The following CNTNAP5 variants were observed in gnomAD, a reference collection of about 807,000 sequenced individuals.
CNTNAP5 encodes contactin-associated protein-like 5.
In CNTNAP5, 72 loss-of-function variants were observed where a neutral mutation model predicts 150.2. The observed-to-expected ratio is 0.48, with a 90% CI of 0.40 to 0.58. The LOEUF is 0.58. Among genes scored for constraint, CNTNAP5 ranks in the 20% least tolerant of loss-of-function variants. The pLI is 0.00. For synonymous variants in CNTNAP5, 672 were observed against 619.8 expected (o/e 1.08, Z -1.25); for missense variants, 1,636 against 1,626.2 (o/e 1.01, Z -0.10).
chr2:124,573,632 G>A (rs560297665), intron 11 of CNTNAP5, among the ~76,000 whole-genome samples: 1 of 152,298 alleles, frequency 6.6e-6, no homozygotes, highest in South Asian at 2.1e-4. Context: ...TATTTTTAAT[G>A]TATTTCAATC....
chr2:124,699,278 A>G (rs1229363838), intron 13 of CNTNAP5, among the ~76,000 whole-genome samples: 2 of 152,108 alleles, frequency 1.3e-5, no homozygotes, highest in African/African-American at 2.4e-5. Context: ...CATCATCCTG[A>G]CACAGATACA....
chr2:124,786,154 C>T (rs1339026822), intron 17 of CNTNAP5, among the ~76,000 whole-genome samples: 2 of 151,302 alleles, frequency 1.3e-5, no homozygotes, highest in Non-Finnish European at 2.9e-5. Context: ...CCCAGCTACT[C>T]GGTAGGCTGA....
rs190499681 is a variant in CNTNAP5 at position 124,080,416 on chromosome 2, C to T, written c.82+54684C>T. 2.0e-3 allele frequency among the ~76,000 whole-genome samples: 311 copies of T among 152,226 alleles called. 2 individuals are homozygous for T. Among genetic ancestry groups the T allele is most frequent in the African/African-American group, 7.3e-3 (303 of 41,524 alleles). The stretch of plus-strand genomic sequence containing the variant: ...ACTCTTAAATTGCCATAAACTAAGA[C>T]AGGATTATTATACCTTCCGGCTCAG... On this transcript the variant is annotated intron_variant, in intron 1 of 23. Transcript: ENST00000682447.
At chr2:124,561,771 G>T (rs1289707352) in intron 10 of CNTNAP5, among the ~76,000 whole-genome samples, 1 of 152,126 alleles carries the variant, frequency 6.6e-6, no homozygotes, top group Non-Finnish European at 1.5e-5. Flanking sequence ...AACAATCATT[G>T]CTGGAGGCTT....
At chr2:124,409,715 C>A (rs1221492032) in intron 3 of CNTNAP5, among the ~76,000 whole-genome samples, 1 of 147,858 alleles carries the variant, frequency 6.8e-6, no homozygotes, top group Non-Finnish European at 1.5e-5. Flanking sequence ...CCTAAAAGAG[C>A]TCCTGAAGGA....
At chr2:124,364,885 G>T (rs1424812538) in intron 3 of CNTNAP5, among the ~76,000 whole-genome samples, 1 of 142,892 alleles carries the variant, frequency 7.0e-6, no homozygotes, top group African/African-American at 2.6e-5. Context: ...TCTTCCTAGG[G>T]CATTCCTCAT....
chr2:124,528,403 G>A (rs146425372), intron 10 of CNTNAP5, among the ~76,000 whole-genome samples: 37 of 152,290 alleles, frequency 2.4e-4, no homozygotes, highest in African/African-American at 8.9e-4. Context: ...TCTTAAAGCA[G>A]AAGACACTGG....
intron 13 of CNTNAP5, among the ~76,000 whole-genome samples, chr2:124,745,213 A>T (rs923666436): frequency 2.6e-5 from 4 of 152,204 alleles, no homozygotes; most frequent in African/African-American, 9.7e-5. Flanking sequence ...TTCAGAGCTT[A>T]TACCATTAGT....
chr2:124,247,235 A>G (rs1482279162), intron 3 of CNTNAP5, among the ~76,000 whole-genome samples: 1 of 152,112 alleles, frequency 6.6e-6, no homozygotes, highest in Non-Finnish European at 1.5e-5. Context: ...AATTTCAGAA[A>G]ACAATTTGAG....
chr2:124,786,507 A>AAAAGAAAGAAAG lies in CNTNAP5; in HGVS notation c.2753-3389_2753-3378dup, dbSNP rs150483975. ...AGGAGGGAAGGAAGGGAGGGAAAGA[A>AAAAGAAAGAAAG]AAAGAAAGAAAGAAAGAGAAAGAAA... On this transcript the variant is annotated intron_variant, in intron 17 of 23. Coordinates refer to ENST00000682447, the MANE Select transcript of CNTNAP5 (RefSeq NM_001367498.1). Among the ~76,000 whole-genome samples the AAAAGAAAGAAAG allele has an allele frequency of 1.7e-3, 224 of 132,134 alleles. 5 individuals are homozygous for AAAAGAAAGAAAG. The highest frequency in any genetic ancestry group is 7.0e-3 in the African/African-American group (217 of 31,070). The allele number at this position is 132,134 out of a possible 152,430, so 86.7% of individuals were successfully genotyped here.
chr2:124,561,323 G>A (rs1695887007), intron 10 of CNTNAP5, among the ~76,000 whole-genome samples: 1 of 152,134 alleles, frequency 6.6e-6, no homozygotes, highest in South Asian at 2.1e-4. Context: ...ATCTCCTGAG[G>A]ACATGCCTGG....
intron 17 of CNTNAP5, among the ~76,000 whole-genome samples, chr2:124,779,190 G>A (rs1285787562): frequency 6.6e-6 from 1 of 152,194 alleles, no homozygotes; most frequent in Non-Finnish European, 1.5e-5. Context: ...CTTGACCAAG[G>A]TCATGTCCTT....
rs772608952 is a variant in CNTNAP5, at chr2:124,527,305, G to A, written c.1498G>A (p.Asp500Asn). The A allele has an allele frequency of 8.1e-6, 13 of 1,613,282 alleles. No individual in the cohort carries two copies. Among genetic ancestry groups the A allele is most frequent in the Admixed American group, 6.7e-5 (4 of 59,960 alleles). The change falls in exon 10 of 24, where the codon GAT becomes AAT. Residue 500 changes from aspartate (D) to asparagine (N), a missense_variant. Asp to Asn is a conservative substitution (Grantham distance 23). Transcript: ENST00000682447. ...CACAGGGTGCCCCGACAATCTCACCGATTCCCAATGTTTAAATCCCATTAA... is the reference window on the plus strand; with the variant it reads ...CACAGGGTGCCCCGACAATCTCACCAATTCCCAATGTTTAAATCCCATTAA... ...YFGGCPDNLT[D>N]SQCLNPIKAF...
chr2:124,751,968 C>T (rs552027580), intron 14 of CNTNAP5, among the ~76,000 whole-genome samples: 19 of 152,162 alleles, frequency 1.2e-4, no homozygotes, highest in African/African-American at 2.4e-4. Context: ...ATAAATGGTT[C>T]GGTTAAGGTC....
intron 14 of CNTNAP5, among the ~76,000 whole-genome samples, chr2:124,758,113 A>G (rs1680878848): frequency 6.6e-6 from 1 of 152,180 alleles, no homozygotes; most frequent in Non-Finnish European, 1.5e-5. Context: ...CAGAACCATG[A>G]GATCTCAAAA....
intron 1 of CNTNAP5, among the ~76,000 whole-genome samples, chr2:124,030,151 T>C (rs1381272202): frequency 6.6e-6 from 1 of 152,174 alleles, no homozygotes; most frequent in East Asian, 1.9e-4. Flanking sequence ...CTATTTACTT[T>C]TAATGTAATT....
intron 1 of CNTNAP5, among the ~76,000 whole-genome samples, chr2:124,072,013 G>A (rs1200797560): frequency 6.6e-6 from 1 of 151,808 alleles, no homozygotes; most frequent in South Asian, 2.1e-4. Context: ...TTCCACAACA[G>A]ATTAAAAAGA....
intron 1 of CNTNAP5, among the ~76,000 whole-genome samples, chr2:124,070,090 G>A (rs932808864): frequency 4.0e-5 from 6 of 151,890 alleles, no homozygotes; most frequent in Non-Finnish European, 7.4e-5. Flanking sequence ...TTTTGTTTAC[G>A]CAATTAGTGT....
At chr2:124,912,836 A>G (rs184123564) in intron 23 of CNTNAP5, among the ~76,000 whole-genome samples, 94 of 152,144 alleles carry the variant, frequency 6.2e-4, no homozygotes, top group African/African-American at 2.1e-3. Flanking sequence ...TATCCCATGC[A>G]TTGAAGGAGT....
Sources: allele counts gnomAD v4.1 joint callset (sites outside exome capture counted in the v4.1 genomes callset), GRCh38; gene constraint gnomAD v4.1.1; transcripts MANE v1.5; gene names NCBI Gene and HGNC (gene_info 2026-07-23, HGNC 2026-07-21).